The following CSTF3 variants were observed in gnomAD, a reference collection of about 807,000 sequenced individuals.
CSTF3 encodes CF-1 77 kDa subunit.
In CSTF3, 29 loss-of-function variants were observed where a neutral mutation model predicts 105.8. The ratio of observed to expected loss-of-function variants is 0.27; its 90% confidence interval spans 0.20 to 0.37. The LOEUF (loss-of-function observed/expected upper bound fraction) is 0.37, where lower values mean the gene tolerates loss of function less well. CSTF3 is among the 10% of genes least tolerant of loss of function. The probability of loss-of-function intolerance (pLI) is 1.00; values close to 1 mark genes in which losing one functional copy is unlikely to be tolerated. For synonymous variants in CSTF3, 252 were observed against 281.9 expected, an observed-to-expected ratio of 0.89 and a Z score of 1.06; for missense variants, 357 against 879.3, an observed-to-expected ratio of 0.41 and a Z score of 7.51.
chr11:33,112,825 T>C (rs967153030), intron 3 of CSTF3, among the ~76,000 whole-genome samples: 1 of 152,230 alleles, frequency 6.6e-6, no homozygotes, highest in Admixed American at 6.5e-5. Flanking sequence ...AAGATTACTT[T>C]GTTTTGACAT....
At chr11:33,134,282 ACAAAG>A (rs1855630453) in intron 3 of CSTF3, 2 of 152,240 alleles carry the variant, frequency 1.3e-5, no homozygotes, top group South Asian at 4.1e-4. Flanking sequence ...TTCAACCAAT[ACAAAG>A]CAGATTAAAC....
chr11:33,090,837 T>A, intron 16 of CSTF3, 110 bp from the exon 17 acceptor site: 1 of 612,040 alleles, frequency 1.6e-6, no homozygotes. Flanking sequence ...TTATAAAAAG[T>A]GACTTTTTAT....
At chr11:33,161,161 T>C (rs1590294735) in intron 1 of CSTF3, 138 bp downstream of exon 1, 2 of 799,262 alleles carry the variant, frequency 2.5e-6, no homozygotes, top group African/African-American at 3.6e-5. Flanking sequence ...TGCTCCCCAT[T>C]CCCACCACTC....
intron 18 of CSTF3, among the ~76,000 whole-genome samples, chr11:33,086,576 T>G (rs1042542313): frequency 1.3e-5 from 2 of 152,166 alleles, no homozygotes; most frequent in African/African-American, 4.8e-5. Context: ...TAGCTGGGAT[T>G]ACATGTATAT....
chr11:33,085,586 TG>T (rs2133765688), intron 20 of CSTF3, 126 bp downstream of exon 20: 2 of 820,326 alleles, frequency 2.4e-6, no homozygotes, highest in East Asian at 5.0e-5. Context: ...GGGTAACTCC[TG>T]GGTTTCACTG....
intron 17 of CSTF3, among the ~76,000 whole-genome samples, chr11:33,088,117 A>T (rs1206359797): frequency 6.6e-6 from 1 of 152,214 alleles, no homozygotes; most frequent in South Asian, 2.1e-4. Context: ...TGGTAGACAC[A>T]TTGGGTATCG....
chr11:33,139,782 T>C (rs1855690895), intron 3 of CSTF3, among the ~76,000 whole-genome samples: 1 of 151,978 alleles, frequency 6.6e-6, no homozygotes, highest in Non-Finnish European at 1.5e-5. Context: ...ACTGCAAATA[T>C]TACCAACTAA....
intron 3 of CSTF3, among the ~76,000 whole-genome samples, chr11:33,120,040 C>G (rs1324731831): frequency 6.6e-6 from 1 of 151,684 alleles, no homozygotes; most frequent in African/African-American, 2.4e-5. Context: ...CAACAGCAAC[C>G]TTTGATAGTA....
At chr11:33,150,571 G>C (rs1037297600) in intron 1 of CSTF3, among the ~76,000 whole-genome samples, 1 of 152,038 alleles carries the variant, frequency 6.6e-6, no homozygotes, top group Non-Finnish European at 1.5e-5. Context: ...AAAGAAGGTA[G>C]GGGGGCCAGG....
chr11:33,107,222 T>C (rs1855335956), intron 5 of CSTF3, among the ~76,000 whole-genome samples: 1 of 152,084 alleles, frequency 6.6e-6, no homozygotes, highest in Non-Finnish European at 1.5e-5. Context: ...AAGGCTGAGG[T>C]GGGAGGATCA....
chr11:33,158,460 T>G lies in CSTF3; in HGVS notation c.27+2839A>C, dbSNP rs550428567. Among the ~76,000 whole-genome samples, 3 of 152,136 alleles carry G rather than the reference T, an allele frequency of 2.0e-5. No homozygotes were observed. The East Asian group carries it at 5.8e-4, about 29-fold the overall frequency. Reference sequence around the variant, plus strand: ...AGACACAGACCAACAGAATTGTGGGTTTTAAAAACAAAACAAAACCACCAT... The same window carrying G: ...AGACACAGACCAACAGAATTGTGGGGTTTAAAAACAAAACAAAACCACCAT... On this transcript the variant is annotated intron_variant, in intron 1 of 20. Coordinates refer to ENST00000323959, the MANE Select transcript of CSTF3 (RefSeq NM_001326.3).
intron 3 of CSTF3, among the ~76,000 whole-genome samples, chr11:33,118,978 C>A (rs1001990489): frequency 2.6e-5 from 4 of 151,708 alleles, no homozygotes; most frequent in African/African-American, 7.3e-5. Context: ...ACTACAGGAA[C>A]TTTATATATT....
At chr11:33,142,318 T>C (rs1186414857) in intron 1 of CSTF3, among the ~76,000 whole-genome samples, 1 of 121,696 alleles carries the variant, frequency 8.2e-6, no homozygotes, top group Non-Finnish European at 2.0e-5. Flanking sequence ...CTGTATTATA[T>C]GACGTTATTA....
chr11:33,102,133 T>TAAC (rs1364360094), intron 10 of CSTF3, 44 bp downstream of exon 10: 1 of 1,572,964 alleles, frequency 6.4e-7, no homozygotes, highest in Admixed American at 1.7e-5. Flanking sequence ...CCAAGTGGCC[T>TAAC]AACATACATG....
At chr11:33,157,295 C>A (rs1324452578) in intron 1 of CSTF3, among the ~76,000 whole-genome samples, 1 of 152,122 alleles carries the variant, frequency 6.6e-6, no homozygotes, top group African/African-American at 2.4e-5. Flanking sequence ...GCGGAGGTTG[C>A]AGTGAGCCGA....
At chr11:33,096,769 CCTTT>C (rs1405135188) in intron 14 of CSTF3, 62 bp downstream of exon 14, 192 of 1,461,392 alleles carry the variant, frequency 1.3e-4, no homozygotes, top group Non-Finnish European at 1.7e-4. Context: ...GCTAAAATCA[CCTTT>C]CTTTTACGAA....
At chr11:33,143,058 C>T (rs1855733580) in intron 1 of CSTF3, among the ~76,000 whole-genome samples, 1 of 152,030 alleles carries the variant, frequency 6.6e-6, no homozygotes, top group East Asian at 1.9e-4. Flanking sequence ...ATTCATCCTG[C>T]GCCACAAAGA....
At position 33,103,187 on chromosome 11, in the gene CSTF3, AG is replaced by A. The variant is rs750478366; in HGVS notation, c.586-4del. On this transcript the variant is annotated splice_polypyrimidine_tract_variant and splice_region_variant and intron_variant, in intron 8 of 20. Transcript: ENST00000323959. Reference sequence around the variant, plus strand: ...TTAGCTAAATGAATATTGATACCCTAGAAAAAAACAAAAATATTTTAAAATT... The same window carrying A: ...TTAGCTAAATGAATATTGATACCCTAAAAAAAACAAAAATATTTTAAAATT... The A allele has an allele frequency of 7.1e-7, 1 of 1,410,068 alleles. No homozygotes were observed. Among genetic ancestry groups the A allele is most frequent in the Non-Finnish European group, 9.7e-7 (1 of 1,027,502 alleles). 87.3% of individuals were successfully genotyped at this position (1,410,068 alleles called of 1,614,324 possible).
intron 5 of CSTF3, among the ~76,000 whole-genome samples, 170 bp from the exon 6 acceptor site, chr11:33,106,234 A>G (rs1035603180): frequency 6.6e-6 from 1 of 151,826 alleles, no homozygotes; most frequent in Non-Finnish European, 1.5e-5. Context: ...ACATAGCAAA[A>G]CCCAGTCTCT....
Sources: gnomAD v4.1 joint callset for allele counts (sites outside exome capture counted in the v4.1 genomes callset) on GRCh38, gnomAD v4.1.1 for gene constraint, MANE v1.5 for transcripts, NCBI Gene and HGNC (gene_info 2026-07-23, HGNC 2026-07-21) for gene names.